Variants in CNTN5 observed in about 807,000 individuals in gnomAD.
CNTN5 encodes the protein contactin 5.
A neutral mutation model predicts 129.1 loss-of-function variants in CNTN5; 77 were observed. The ratio of observed to expected loss-of-function variants is 0.60; its 90% CI spans 0.50 to 0.72. The LOEUF (loss-of-function observed/expected upper bound fraction) is 0.72. CNTN5 is among the 30% of genes least tolerant of loss of function. The pLI is 0.00. For missense variants in CNTN5, 1,478 were observed against 1,328.8 expected (o/e 1.11, Z -1.75); for synonymous variants, 509 against 465.6 (o/e 1.09, Z -1.20).
At chr11:99,816,289 A>G (rs1203722026) in intron 3 of CNTN5, among the ~76,000 whole-genome samples, 1 of 152,034 alleles carries the variant, frequency 6.6e-6, no homozygotes, top group African/African-American at 2.4e-5. Flanking sequence ...CTTATTTCAC[A>G]TACTTCCTTG....
At chr11:100,217,622 G>A (rs1265874438) in intron 15 of CNTN5, among the ~76,000 whole-genome samples, 1 of 152,102 alleles carries the variant, frequency 6.6e-6, no homozygotes, top group Non-Finnish European at 1.5e-5. Context: ...ATTTTATGGA[G>A]CATAGACTTA....
intron 2 of CNTN5, among the ~76,000 whole-genome samples, chr11:99,525,059 GA>G (rs1354949134): frequency 6.6e-6 from 1 of 151,958 alleles, no homozygotes; most frequent in African/African-American, 2.4e-5. Flanking sequence ...AGTCCTCATA[GA>G]AATTATGTGC....
At chr11:99,961,076 A>G (rs1000879910) in intron 8 of CNTN5, among the ~76,000 whole-genome samples, 1 of 151,818 alleles carries the variant, frequency 6.6e-6, no homozygotes, top group African/African-American at 2.4e-5. Context: ...ATGGTGGTGC[A>G]TGCCTGTAGT....
chr11:99,198,878 T>C (rs79571863), intron 1 of CNTN5, among the ~76,000 whole-genome samples: 2,043 of 152,278 alleles, frequency 0.013, 34 homozygotes, highest in African/African-American at 0.045. Context: ...GTAATCTGAT[T>C]GTTACCTTGA....
intron 1 of CNTN5, among the ~76,000 whole-genome samples, chr11:99,125,590 G>A (rs956802372): frequency 6.6e-6 from 1 of 152,074 alleles, no homozygotes; most frequent in Non-Finnish European, 1.5e-5. Context: ...ACATAGTGTT[G>A]TAAGTCCTGG....
At position 99,469,952 on chromosome 11, in the gene CNTN5, C is replaced by T. The variant is rs192414582; in HGVS notation, c.-70-86193C>T. Among the ~76,000 whole-genome samples, 437 of 152,134 alleles carry T rather than the reference C, an allele frequency of 2.9e-3. 6 individuals carry two copies. Among genetic ancestry groups the T allele is most frequent in the African/African-American group, 9.9e-3 (411 of 41,516 alleles). On this transcript the variant is annotated intron_variant, in intron 2 of 24. Transcript: ENST00000524871. ...CAATTTAATGAGTGTCAGTCATATA[C>T]TAGGCATTAGTACTTAAAACAGACC... is the stretch of plus-strand genomic sequence containing the variant.
intron 3 of CNTN5, among the ~76,000 whole-genome samples, chr11:99,560,860 A>G (rs1948820364): frequency 6.6e-6 from 1 of 152,092 alleles, no homozygotes; most frequent in African/African-American, 2.4e-5. Context: ...GAAGTTTAGA[A>G]TGATCCATGT....
At chr11:99,396,548 CTTGAAG>C (rs1369581479) in intron 2 of CNTN5, among the ~76,000 whole-genome samples, 4 of 151,352 alleles carry the variant, frequency 2.6e-5, no homozygotes, top group African/African-American at 4.8e-5. Context: ...GTGTAAAACA[CTTGAAG>C]TTATGAGAAA....
chr11:99,735,201 G>C (rs1591062112), intron 3 of CNTN5, among the ~76,000 whole-genome samples: 1 of 132,266 alleles, frequency 7.6e-6, no homozygotes, highest in Non-Finnish European at 1.6e-5. Context: ...AGGTGTGTTA[G>C]TTAAACAAAT....
intron 4 of CNTN5, among the ~76,000 whole-genome samples, chr11:99,834,781 G>A (rs147665429): frequency 6.6e-6 from 1 of 152,024 alleles, no homozygotes; most frequent in East Asian, 1.9e-4. Flanking sequence ...TAAGGCTCAG[G>A]GATAACAAAA....
chr11:100,106,892 C>G (rs1418570876), intron 13 of CNTN5, among the ~76,000 whole-genome samples: 1 of 152,082 alleles, frequency 6.6e-6, no homozygotes, highest in Non-Finnish European at 1.5e-5. Context: ...TTTTTAGAAG[C>G]ACCTGGTATT....
At chr11:99,216,306 G>A (rs1860112251) in intron 1 of CNTN5, among the ~76,000 whole-genome samples, 1 of 152,010 alleles carries the variant, frequency 6.6e-6, no homozygotes, top group Non-Finnish European at 1.5e-5. Flanking sequence ...AATTCTATCT[G>A]TGTTGTTGCA....
intron 6 of CNTN5, among the ~76,000 whole-genome samples, chr11:99,860,400 T>A (rs1267533115): frequency 6.6e-6 from 1 of 152,078 alleles, no homozygotes; most frequent in East Asian, 1.9e-4. Flanking sequence ...TCCAGAATGG[T>A]GTTTCATAGG....
chr11:100,266,625 C>T (rs1198586769), intron 17 of CNTN5, among the ~76,000 whole-genome samples: 1 of 106,454 alleles, frequency 9.4e-6, no homozygotes, highest in African/African-American at 3.4e-5. Flanking sequence ...TTAGAATTTC[C>T]AAATCTTTTT....
chr11:99,264,182 G>T (rs986896547), intron 1 of CNTN5, among the ~76,000 whole-genome samples: 1 of 151,222 alleles, frequency 6.6e-6, no homozygotes, highest in Admixed American at 6.6e-5. Context: ...GAAGAGCAAT[G>T]ATTATTTTAA....
At chr11:100,045,981 TAA>T (rs1447279923) in intron 9 of CNTN5, among the ~76,000 whole-genome samples, 1 of 152,034 alleles carries the variant, frequency 6.6e-6, no homozygotes, top group African/African-American at 2.4e-5. Context: ...TATTATACTT[TAA>T]GTTAGGGTAC....
intron 2 of CNTN5, among the ~76,000 whole-genome samples, chr11:99,511,742 A>G (rs931485484): frequency 2.0e-5 from 3 of 152,068 alleles, no homozygotes; most frequent in Admixed American, 6.6e-5. Context: ...TTGGGTGCAT[A>G]TATATTTAGC....
chr11:99,567,717 C>T (rs1424217197), intron 3 of CNTN5, among the ~76,000 whole-genome samples: 1 of 152,144 alleles, frequency 6.6e-6, no homozygotes, highest in Non-Finnish European at 1.5e-5. Context: ...TGTATTTGCA[C>T]ATTGTATCTG....
chr11:99,503,133 A>T (rs1488289167), intron 2 of CNTN5, among the ~76,000 whole-genome samples: 7 of 152,126 alleles, frequency 4.6e-5, no homozygotes, highest in Admixed American at 2.6e-4. Flanking sequence ...TCTTACTAGG[A>T]TTATACTATG....
Sources: gnomAD v4.1 joint callset for allele counts (sites outside exome capture counted in the v4.1 genomes callset) on GRCh38, gnomAD v4.1.1 for gene constraint, MANE v1.5 for transcripts, NCBI Gene and HGNC (gene_info 2026-07-23, HGNC 2026-07-21) for gene names.